The following DPP6 variants were observed in gnomAD, a reference collection of about 807,000 sequenced individuals.
The protein encoded by DPP6 is dipeptidyl peptidase like 6, also known as A-type potassium channel modulatory protein DPP6.
Under a neutral mutation model 122.6 loss-of-function variants are expected in DPP6, and 69 were observed. The observed-to-expected ratio is 0.56, with a 90% CI of 0.46 to 0.69. The LOEUF is 0.69. Ranked by LOEUF, DPP6 falls within the 30% of genes least tolerant of loss-of-function variation. The pLI is 0.00. For missense variants in DPP6, 928 were observed against 1,116.9 expected (o/e 0.83, Z 2.41); for synonymous variants, 418 against 433.1 (o/e 0.97, Z 0.43).
chr7:154,376,387 C>G (rs1290820481), intron 1 of DPP6, among the ~76,000 whole-genome samples: 2 of 152,198 alleles, frequency 1.3e-5, no homozygotes, highest in Admixed American at 1.3e-4. Flanking sequence ...CAGTAAGTGC[C>G]ATTTTCCTAC....
chr7:154,076,808 A>G lies in DPP6; in HGVS notation c.243+23745A>G, dbSNP rs115861838. Among the ~76,000 whole-genome samples the G allele has an allele frequency of 9.4e-3, 1,434 of 152,126 alleles. 29 individuals are homozygous for G. Among genetic ancestry groups the G allele is most frequent in the African/African-American group, 0.033 (1,367 of 41,480 alleles). The stretch of plus-strand genomic sequence containing the variant: ...CTGACAAGGTGTACCCTCAGTCTCC[A>G]ATGCTTAATAAATGCCTTGTAAACT... On this transcript the variant is annotated intron_variant, in intron 1 of 25. Transcript: ENST00000377770.
chr7:154,545,497 ATCCTTCCT>A lies in DPP6; in HGVS notation c.552+4893_552+4900del, dbSNP rs34668667. On this transcript the variant is annotated intron_variant, in intron 4 of 25. Transcript: ENST00000377770. ...CTTCCTTCCTTCCTTCCTTCCTTCC[ATCCTTCCT>A]TCCTTCCTTCCTTCCTTCCTTGTAG... Among the ~76,000 whole-genome samples, 59 of 122,096 alleles carry A rather than the reference ATCCTTCCT, an allele frequency of 4.8e-4. 2 individuals are homozygous for A. In the South Asian group the frequency reaches 0.013, roughly 26 times the overall value. The allele number at this position is 122,096 out of a possible 152,430, so 80.1% of individuals were successfully genotyped here. A position where few individuals can be genotyped will look rare whatever the true frequency, so the allele number is the denominator to read the frequency against.
At chr7:154,015,270 T>C (rs915883767) in intron 1 of DPP6, among the ~76,000 whole-genome samples, 2 of 152,226 alleles carry the variant, frequency 1.3e-5, no homozygotes, top group Non-Finnish European at 1.5e-5. Flanking sequence ...CCTTTTTCCA[T>C]GTCCTCGACC....
At chr7:154,749,759 GA>G (rs750294141) in intron 8 of DPP6, among the ~76,000 whole-genome samples, 3 of 64,760 alleles carry the variant, frequency 4.6e-5, no homozygotes, top group African/African-American at 1.1e-4. Context: ...GAGAGGGATG[GA>G]GGCTTTACTG....
At chr7:154,494,661 C>A (rs1824570182) in intron 3 of DPP6, among the ~76,000 whole-genome samples, 1 of 151,944 alleles carries the variant, frequency 6.6e-6, no homozygotes, top group Non-Finnish European at 1.5e-5. Context: ...TATTGATTTC[C>A]CTGATACCTC....
intron 25 of DPP6, among the ~76,000 whole-genome samples, chr7:154,891,916 G>A (rs565319299): frequency 5.9e-4 from 90 of 152,210 alleles, no homozygotes; most frequent in South Asian, 4.2e-3. Flanking sequence ...CTTGGGCTGC[G>A]GCTCTGTAGT....
chr7:154,887,870 C>A, intron 23 of DPP6, 136 bp downstream of exon 23: 1 of 1,006,016 alleles, frequency 9.9e-7, no homozygotes. Context: ...AAAGCCCACT[C>A]AGAAACCTCC....
intron 1 of DPP6, among the ~76,000 whole-genome samples, chr7:154,135,329 C>G (rs548334660): frequency 6.6e-6 from 1 of 151,534 alleles, no homozygotes; most frequent in East Asian, 2.0e-4. Context: ...TTCCTATAAG[C>G]CCACACTTCC....
At chr7:154,684,820 G>A (rs560218139) in intron 7 of DPP6, among the ~76,000 whole-genome samples, 1 of 152,356 alleles carries the variant, frequency 6.6e-6, no homozygotes, top group East Asian at 1.9e-4. Flanking sequence ...AGTGGAACTT[G>A]AGTCTTTAGA....
chr7:154,272,232 G>A (rs1299518181), intron 1 of DPP6, among the ~76,000 whole-genome samples: 2 of 152,108 alleles, frequency 1.3e-5, no homozygotes, highest in East Asian at 3.9e-4. Flanking sequence ...TTTTTAACAG[G>A]ACTCTTTCCT....
chr7:154,562,526 A>G (rs1302883581), intron 4 of DPP6, among the ~76,000 whole-genome samples: 7 of 152,162 alleles, frequency 4.6e-5, no homozygotes, highest in Non-Finnish European at 1.0e-4. Flanking sequence ...TCTCCTCAAG[A>G]TTAGGGAAAA....
chr7:154,684,817 C>T (rs962931780), intron 7 of DPP6, among the ~76,000 whole-genome samples: 10 of 152,354 alleles, frequency 6.6e-5, no homozygotes, highest in African/African-American at 2.4e-4. Flanking sequence ...TTTAGTGGAA[C>T]TTGAGTCTTT....
chr7:154,480,877 G>T (rs1823210007), intron 3 of DPP6, among the ~76,000 whole-genome samples: 1 of 152,148 alleles, frequency 6.6e-6, no homozygotes, highest in African/African-American at 2.4e-5. Flanking sequence ...TGTAGAACAA[G>T]CTAAGGACCT....
intron 1 of DPP6, among the ~76,000 whole-genome samples, chr7:154,423,886 C>A (rs1482854195): frequency 6.6e-6 from 1 of 152,178 alleles, no homozygotes; most frequent in African/African-American, 2.4e-5. Context: ...AAGCCGGAAA[C>A]TCACAGAGGC....
chr7:154,328,895 T>C (rs188020384), intron 1 of DPP6, among the ~76,000 whole-genome samples: 44 of 152,306 alleles, frequency 2.9e-4, no homozygotes, highest in Non-Finnish European at 6.2e-4. Context: ...CATGACCAGA[T>C]CCACAGTCAT....
chr7:153,882,499 T>C (rs898994870), upstream of DPP6, among the ~76,000 whole-genome samples: 2 of 152,218 alleles, frequency 1.3e-5, no homozygotes, highest in African/African-American at 2.4e-5. Flanking sequence ...AGGAATCTGC[T>C]CCTGTGCTGT....
At chr7:154,222,679 ATAAAT>A (rs755351869) in intron 1 of DPP6, among the ~76,000 whole-genome samples, 7 of 149,208 alleles carry the variant, frequency 4.7e-5, no homozygotes, top group African/African-American at 1.0e-4. Flanking sequence ...ATAAAATAAA[ATAAAT>A]TAAATAATCT....
intron 7 of DPP6, among the ~76,000 whole-genome samples, chr7:154,682,560 G>T (rs1359374458): frequency 6.6e-6 from 1 of 152,234 alleles, no homozygotes; most frequent in East Asian, 1.9e-4. Context: ...TGGAGACAGA[G>T]AGGGCACAGA....
intron 1 of DPP6, among the ~76,000 whole-genome samples, chr7:153,905,149 G>A (rs1483551683): frequency 2.0e-5 from 3 of 152,222 alleles, no homozygotes; most frequent in South Asian, 2.1e-4. Flanking sequence ...ACCCACAGTC[G>A]AACAAGGCAG....
Sources: allele counts gnomAD v4.1 joint callset (sites outside exome capture counted in the v4.1 genomes callset), GRCh38; gene constraint gnomAD v4.1.1; transcripts MANE v1.5; gene names NCBI Gene and HGNC (gene_info 2026-07-23, HGNC 2026-07-21).